IGDCC3: variants seen among roughly 807,000 people sequenced by gnomAD.
IGDCC3 encodes the protein putative neuronal cell adhesion molecule.
Under a neutral mutation model 72.0 loss-of-function variants are expected in IGDCC3, and 47 were observed. That is an observed-to-expected ratio of 0.65 (90% CI 0.52 to 0.83). IGDCC3 has a LOEUF of 0.83. IGDCC3 is among the 40% of genes least tolerant of loss of function. The probability of loss-of-function intolerance (pLI) is 0.00; values close to 1 mark genes in which losing one functional copy is unlikely to be tolerated. For missense variants in IGDCC3, 1,038 were observed against 1,091.3 expected (o/e 0.95, Z 0.69); for synonymous variants, 477 against 472.8 (o/e 1.01, Z -0.11).
chr15:65,375,316 T>C lies in IGDCC3; in HGVS notation c.190A>G (p.Arg64Gly). The change falls in exon 2 of 14, where the codon AGG becomes GGG. Residue 64 changes from arginine to glycine, a missense_variant. Arg to Gly is a moderately radical substitution (Grantham distance 125, BLOSUM62 -2). Coordinates refer to ENST00000327987, the MANE Select transcript of IGDCC3 (RefSeq NM_004884.4). ...VPGQPIVLDCRVEGTPPVRIT... is the reference protein window; with the variant it reads ...VPGQPIVLDCGVEGTPPVRIT... ...CGCACTGGAGGGGTCCCCTCCACCC[T>C]GCAGTCCAGCACTATAGGCTGCCCG... The C allele has an allele frequency of 6.2e-7, 1 of 1,614,032 alleles. No individual in the cohort carries two copies. Among genetic ancestry groups the C allele is most frequent in the Non-Finnish European group, 8.5e-7 (1 of 1,179,948 alleles).
chr15:65,336,793 G>A (rs2091033119), intron 2 of IGDCC3, among the ~76,000 whole-genome samples: 1 of 151,764 alleles, frequency 6.6e-6, no homozygotes, highest in South Asian at 2.1e-4. Flanking sequence ...AAGTGTTTCT[G>A]CCCACCCCCG....
At chr15:65,343,360 T>C (rs1055613699) in intron 2 of IGDCC3, among the ~76,000 whole-genome samples, 12 of 148,722 alleles carry the variant, frequency 8.1e-5, no homozygotes, top group Non-Finnish European at 1.2e-4. Context: ...TCAAGCTGTC[T>C]GGAGAAGGGA....
At chr15:65,370,494 G>A (rs1220916758) in intron 2 of IGDCC3, among the ~76,000 whole-genome samples, 3 of 141,726 alleles carry the variant, frequency 2.1e-5, no homozygotes, top group African/African-American at 5.2e-5. Flanking sequence ...GTGATAGAGC[G>A]AGACTTGGTC....
chr15:65,347,401 T>C (rs1464562229), intron 2 of IGDCC3, among the ~76,000 whole-genome samples: 6 of 152,284 alleles, frequency 3.9e-5, no homozygotes, highest in Non-Finnish European at 8.8e-5. Context: ...TGGGGCAGGA[T>C]AGACAAATAA....
chr15:65,355,656 T>TCTCCCCC, intron 2 of IGDCC3: 1 of 211,730 alleles, frequency 4.7e-6, no homozygotes, highest in Non-Finnish European at 9.7e-6. Context: ...GACGCGGGCG[T>TCTCCCCC]CCCGCCCCCC....
At position 65,329,626 on chromosome 15, in the gene IGDCC3, GGA is replaced by G. The variant is rs1196090654; in HGVS notation, c.1998-31_1998-30del. Reference sequence around the variant, plus strand: ...AGGGTTAGCCAAGAGTTGGGGGGAGGGAGAGAGAAAAGAGACAGAGGCAGTGA... The same window carrying G: ...AGGGTTAGCCAAGAGTTGGGGGGAGGGAGAGAAAAGAGACAGAGGCAGTGA... On this transcript the variant is annotated intron_variant, in intron 12 of 13. Transcript: ENST00000327987. This position sits in a 1 kb window ranked among gnomAD's most constrained non-coding sequence, Gnocchi z 4.1. 6.2e-7 allele frequency: 1 copy of G among 1,611,970 alleles called. No individual in the cohort carries two copies. Among genetic ancestry groups the G allele is most frequent in the East Asian group, 2.2e-5 (1 of 44,868 alleles).
At chr15:65,334,684 T>C (rs2091010267) in intron 5 of IGDCC3, 44 bp downstream of exon 5, 2 of 1,459,906 alleles carry the variant, frequency 1.4e-6, no homozygotes, top group Non-Finnish European at 1.8e-6. Context: ...TCCCAGGGGG[T>C]GGGACAGGCT....
At chr15:65,331,376 A>G in intron 8 of IGDCC3, 36 bp downstream of exon 8, 1 of 1,577,742 alleles carries the variant, frequency 6.3e-7, no homozygotes, top group Non-Finnish European at 8.6e-7. Context: ...GAAATAGTGA[A>G]TTAGAGGAAG....
At chr15:65,357,095 G>A (rs539287507) in intron 2 of IGDCC3, among the ~76,000 whole-genome samples, 21 of 151,730 alleles carry the variant, frequency 1.4e-4, no homozygotes, top group Non-Finnish European at 3.1e-4. Context: ...TAGGCAATCC[G>A]CCCACCTCAG....
In IGDCC3 at chr15:65,333,250, T is replaced by C. The variant is rs1383200600; in HGVS notation, c.982+7A>G. ...TGCCCTCCTCCTCAGGGTTGGCTGATCCATACCTTGCACCACCAGCCGGCC... is the reference window on the plus strand; with the variant it reads ...TGCCCTCCTCCTCAGGGTTGGCTGACCCATACCTTGCACCACCAGCCGGCC... On this transcript the variant is annotated splice_region_variant and intron_variant, in intron 6 of 13. Transcript: ENST00000327987. 4 of 1,598,382 alleles carry C rather than the reference T, an allele frequency of 2.5e-6. No individual in the cohort carries two copies. Among genetic ancestry groups the C allele is most frequent in the African/African-American group, 2.7e-5 (2 of 74,606 alleles).
chr15:65,365,425 G>A (rs2091284246), intron 2 of IGDCC3, among the ~76,000 whole-genome samples: 1 of 152,022 alleles, frequency 6.6e-6, no homozygotes, highest in Non-Finnish European at 1.5e-5. Flanking sequence ...CATTATCACT[G>A]CCTGCATCTG....
chr15:65,349,361 G>A (rs996513372), intron 2 of IGDCC3, among the ~76,000 whole-genome samples: 1 of 152,164 alleles, frequency 6.6e-6, no homozygotes, highest in Non-Finnish European at 1.5e-5. Context: ...CTGACATGCC[G>A]GCAAAAGGGA....
Position 65,327,575 on chromosome 15 carries a change from G to A in IGDCC3, c.*1334C>T, listed in dbSNP as rs2090929947. On this transcript the variant is annotated 3_prime_UTR_variant, in exon 14 of 14. Coordinates refer to ENST00000327987, the MANE Select transcript of IGDCC3 (RefSeq NM_004884.4). Reference sequence around the variant, plus strand: ...ATGTTTCTGAGTATAACCAAAAATAGGTATTTGTTTCCTTGGTTTTCTTTT... The same window carrying A: ...ATGTTTCTGAGTATAACCAAAAATAAGTATTTGTTTCCTTGGTTTTCTTTT... The A allele has an allele frequency of 6.6e-6, 1 of 152,374 alleles. No homozygotes were observed. Among genetic ancestry groups the A allele is most frequent in the South Asian group, 2.1e-4 (1 of 4,830 alleles). The allele number at this position is 152,374 out of a possible 1,614,324, so 9.4% of individuals were successfully genotyped here.
intron 2 of IGDCC3, among the ~76,000 whole-genome samples, chr15:65,364,897 A>T (rs1467150143): frequency 1.3e-5 from 2 of 152,152 alleles, no homozygotes; most frequent in African/African-American, 4.8e-5. Flanking sequence ...GAAAAGAAAA[A>T]GAAAAATAGA....
At position 65,377,907 on chromosome 15, in the gene IGDCC3, G is replaced by A. The variant is rs903825277; in HGVS notation, c.-119C>T. 74 of 948,774 alleles carry A rather than the reference G, an allele frequency of 7.8e-5. No individual in the cohort carries two copies. The highest frequency in any genetic ancestry group is 9.1e-5 in the Non-Finnish European group (72 of 789,654). The allele number at this position is 948,774 out of a possible 1,614,324, so 58.8% of individuals were successfully genotyped here. Reference sequence around the variant, plus strand: ...GGGCTCCGGCCGGGGCCGAGCCCAGGCGGTGGGGGACTGGGGCCGCATGCC... The same window carrying A: ...GGGCTCCGGCCGGGGCCGAGCCCAGACGGTGGGGGACTGGGGCCGCATGCC... On this transcript the variant is annotated 5_prime_UTR_variant, in exon 1 of 14. Transcript: ENST00000327987. The surrounding 1 kb of genome is among the most constrained non-coding windows in gnomAD (Gnocchi z 4.9).
At chr15:65,341,761 C>A (rs113003315) in intron 2 of IGDCC3, among the ~76,000 whole-genome samples, 1 of 152,148 alleles carries the variant, frequency 6.6e-6, no homozygotes, top group Non-Finnish European at 1.5e-5. Flanking sequence ...GTGGTAGCTA[C>A]AAGCCACATG....
chr15:65,340,373 G>A (rs1390180864), intron 2 of IGDCC3, among the ~76,000 whole-genome samples: 5 of 152,142 alleles, frequency 3.3e-5, no homozygotes, highest in Non-Finnish European at 7.4e-5. Context: ...ACTCCTATCC[G>A]GTCTGTGATG....
chr15:65,355,812 A>G, intron 2 of IGDCC3: 3 of 452,568 alleles, frequency 6.6e-6, no homozygotes, highest in Non-Finnish European at 1.3e-5. Flanking sequence ...ACGCCAAACG[A>G]GGGTTTGATG....
chr15:65,375,044 C>G lies in IGDCC3; in HGVS notation c.409+53G>C, dbSNP rs2091349533. 108 of 1,530,988 alleles carry G rather than the reference C, an allele frequency of 7.1e-5. 2 individuals are homozygous for G. In the South Asian group the frequency reaches 1.3e-3, roughly 19 times the overall value. The allele number at this position is 1,530,988 out of a possible 1,614,324, so 94.8% of individuals were successfully genotyped here. A position where few individuals can be genotyped will look rare whatever the true frequency, so the allele number is the denominator to read the frequency against. ...CCGCTGCCCTCATGCCCTAGGCTGACCCTGGATCACCAGCTGGCTTACACA... is the reference window on the plus strand; with the variant it reads ...CCGCTGCCCTCATGCCCTAGGCTGAGCCTGGATCACCAGCTGGCTTACACA... On this transcript the variant is annotated intron_variant, in intron 2 of 13. Coordinates refer to ENST00000327987, the MANE Select transcript of IGDCC3 (RefSeq NM_004884.4).
Sources: allele counts gnomAD v4.1 joint callset (sites outside exome capture counted in the v4.1 genomes callset), GRCh38; gene constraint gnomAD v4.1.1; non-coding constraint Gnocchi (gnomAD v3.1); transcripts MANE v1.5; gene names NCBI Gene and HGNC (gene_info 2026-07-23, HGNC 2026-07-21).